ANAPC15: variants seen among roughly 807,000 people sequenced by gnomAD.
ANAPC15 encodes the protein anaphase promoting complex subunit 15.
A neutral mutation model predicts 19.8 loss-of-function variants in ANAPC15; 13 were observed. The ratio of observed to expected loss-of-function variants is 0.66; its 90% CI spans 0.43 to 1.04. ANAPC15 has a LOEUF of 1.04. ANAPC15 is among the 50% of genes least tolerant of loss of function. The pLI is 0.00. For missense variants in ANAPC15, 88 were observed against 150.3 expected (o/e 0.59, Z 2.17); for synonymous variants, 45 against 50.7 (o/e 0.89, Z 0.47).
downstream of ANAPC15, chr11:72,107,553 T>G (rs1945804339): frequency 2.8e-6 from 2 of 702,264 alleles, no homozygotes; most frequent in Non-Finnish European, 5.2e-6. Flanking sequence ...TGGGCACAGT[T>G]GTTTGGGATG....
chr11:72,107,276 T>C, downstream of ANAPC15: 1 of 600,676 alleles, frequency 1.7e-6, no homozygotes, highest in East Asian at 2.8e-5. Flanking sequence ...CAAAAATAAA[T>C]AAATAAAAGT....
downstream of ANAPC15, chr11:72,106,459 G>A (rs1945701877): frequency 2.0e-5 from 8 of 399,506 alleles, no homozygotes; most frequent in African/African-American, 4.0e-5. Flanking sequence ...AGAGATGAAT[G>A]AGCCACAAAT....
At chr11:72,112,722 T>G (rs1354790720), upstream of ANAPC15, 2 of 456,536 alleles carry the variant, frequency 4.4e-6, no homozygotes, top group Non-Finnish European at 8.8e-6. Flanking sequence ...CCCACCAGAA[T>G]CCGGGACTCA....
At chr11:72,107,938 G>C (rs572570513), downstream of ANAPC15, 3 of 1,551,532 alleles carry the variant, frequency 1.9e-6, no homozygotes, top group Admixed American at 5.9e-5. Context: ...ATCCTGATGC[G>C]GCTGGTGGAG....
Position 72,109,869 on chromosome 11 carries a change from T to C in ANAPC15, c.*12A>G. The C allele has an allele frequency of 6.2e-7, 1 of 1,613,330 alleles. No individual in the cohort carries two copies. The highest frequency in any genetic ancestry group is 1.1e-5 in the South Asian group (1 of 91,036). On this transcript the variant is annotated 3_prime_UTR_variant, in exon 6 of 6. Transcript: ENST00000227618. ...GCCTGGAATCTCCCTGAGGCCACCC[T>C]GCCTTGTCTACCTAGATCATCCACT...
At chr11:72,110,017 C>T in intron 5 of ANAPC15, 71 bp downstream of exon 5, 12 of 1,613,876 alleles carry the variant, frequency 7.4e-6, no homozygotes, top group Non-Finnish European at 1.0e-5. Context: ...GGTTTCTGTA[C>T]CCCTTGGCCA....
rs1171172445 is a variant in ANAPC15 at position 72,109,764 on chromosome 11, A to G, written c.*117T>C. On this transcript the variant is annotated 3_prime_UTR_variant, in exon 6 of 6. Transcript: ENST00000227618. ...CTGGCAGCAGCTGAGGAGGTGCCCAAGGGCACTTTCAGGCACTGGGGCCAT... is the reference window on the plus strand; with the variant it reads ...CTGGCAGCAGCTGAGGAGGTGCCCAGGGGCACTTTCAGGCACTGGGGCCAT... 6 of 1,315,200 alleles carry G rather than the reference A, an allele frequency of 4.6e-6. No homozygotes were observed. The highest frequency in any genetic ancestry group is 1.7e-5 in the Admixed American group (1 of 58,200). The allele number at this position is 1,315,200 out of a possible 1,614,324, so 81.5% of individuals were successfully genotyped here.
In ANAPC15 at chr11:72,112,669, C is replaced by T. The variant is rs1394909818; in HGVS notation, c.-115G>A. The T allele has an allele frequency of 2.2e-6, 1 of 456,682 alleles. No individual in the cohort carries two copies. Among genetic ancestry groups the T allele is most frequent in the Non-Finnish European group, 4.4e-6 (1 of 226,952 alleles). 28.3% of individuals were successfully genotyped at this position (456,682 alleles called of 1,614,324 possible). A position where few individuals can be genotyped will look rare whatever the true frequency, so the allele number is the denominator to read the frequency against. On this transcript the variant is annotated 5_prime_UTR_variant, in exon 1 of 6. Coordinates refer to ENST00000227618, the MANE Select transcript of ANAPC15 (RefSeq NM_014042.3). ...ACTTACCGCGCCGGGAGGCTGCTGCCGGCGGCGACCCGGAAGCGCTTCACC... is the reference window on the plus strand; with the variant it reads ...ACTTACCGCGCCGGGAGGCTGCTGCTGGCGGCGACCCGGAAGCGCTTCACC...
chr11:72,110,255 T>C, intron 4 of ANAPC15, 30 bp from the exon 5 acceptor site: 1 of 1,611,290 alleles, frequency 6.2e-7, no homozygotes, highest in Non-Finnish European at 8.5e-7. Context: ...CTGTAAGCCC[T>C]ACAGGCCTGC....
At chr11:72,111,845 G>C (rs1565338760) in intron 1 of ANAPC15, 1 of 154,408 alleles carries the variant, frequency 6.5e-6, no homozygotes, top group South Asian at 1.9e-4. Flanking sequence ...GCATATGCAA[G>C]CAGGGTTCAG....
chr11:72,112,110 C>T (rs1791789130), intron 1 of ANAPC15: 1 of 153,164 alleles, frequency 6.5e-6, no homozygotes, highest in Non-Finnish European at 1.5e-5. Flanking sequence ...TAATCGATGC[C>T]TGGTCCTGCT....
chr11:72,107,792 TG>T, downstream of ANAPC15: 1 of 931,338 alleles, frequency 1.1e-6, no homozygotes, highest in Non-Finnish European at 1.6e-6. Context: ...GCTGGGGCTA[TG>T]GTACAAGAGA....
At chr11:72,111,133 G>A in intron 3 of ANAPC15, 24 bp downstream of exon 3, 1 of 1,479,890 alleles carries the variant, frequency 6.8e-7, no homozygotes, top group East Asian at 2.3e-5. Flanking sequence ...TGAGGTCTCT[G>A]TGCTGTGCTA....
chr11:72,111,246 G>A lies in ANAPC15; in HGVS notation c.31C>T (p.Arg11Cys), dbSNP rs1326697404. The A allele has an allele frequency of 6.2e-7, 1 of 1,613,994 alleles. No individual in the cohort carries two copies. Among genetic ancestry groups the A allele is most frequent in the South Asian group, 1.1e-5 (1 of 91,076 alleles). The stretch of plus-strand genomic sequence containing the variant: ...TTAAACCACAGAGTCTCAGTCACAC[G>A]AGGGAAGAGTGAGGGGAACAAAGTG... Reference protein sequence around the residue: MSTLFPSLFPRVTETLWFNLD... With the variant: MSTLFPSLFPCVTETLWFNLD... Residue 11 changes from arginine (R) to cysteine (C), a missense_variant, in exon 3 of 6, where the codon CGT becomes TGT. Physicochemically the swap from Arg to Cys is radical, Grantham distance 180. Transcript: ENST00000227618.
At chr11:72,107,956 C>T, downstream of ANAPC15, 5 of 1,551,690 alleles carry the variant, frequency 3.2e-6, no homozygotes, top group Non-Finnish European at 4.4e-6. Flanking sequence ...GAGGAGAAGG[C>T]CCCTGCTTGT....
chr11:72,108,029 T>A, downstream of ANAPC15: 1 of 1,551,490 alleles, frequency 6.4e-7, no homozygotes, highest in Non-Finnish European at 8.7e-7. Context: ...CCCTGCCCCC[T>A]GGGGGTCGCC....
intron 4 of ANAPC15, 153 bp from the exon 5 acceptor site, chr11:72,110,378 C>T: frequency 2.0e-6 from 3 of 1,535,862 alleles, no homozygotes; most frequent in African/African-American, 1.4e-5. Flanking sequence ...TTCTGCAGGA[C>T]CTTAATGCTA....
In ANAPC15 at chr11:72,110,261, C is replaced by A. The variant is rs192963404; in HGVS notation, c.181-36G>T. 1.4e-5 allele frequency: 23 copies of A among 1,610,364 alleles called. No homozygotes were observed. In the Admixed American group the frequency reaches 1.8e-4, roughly 13 times the overall value. ...GGACAGAGCCTGTAAGCCCTACAGG[C>A]CTGCATGGACCAGTTCAAGAACTGA... On this transcript the variant is annotated intron_variant, in intron 4 of 5. Transcript: ENST00000227618.
intron 3 of ANAPC15, 118 bp from the exon 4 acceptor site, chr11:72,110,721 C>A: frequency 9.4e-7 from 1 of 1,060,820 alleles, no homozygotes; most frequent in Non-Finnish European, 1.4e-6. Flanking sequence ...AGCTTCCTCC[C>A]AGTTCTCAGG....
Sources: gnomAD v4.1 joint callset for allele counts on GRCh38, gnomAD v4.1.1 for gene constraint, MANE v1.5 for transcripts, NCBI Gene and HGNC (gene_info 2026-07-23, HGNC 2026-07-21) for gene names.